AFP: variants seen among roughly 807,000 people sequenced by gnomAD.
AFP encodes the protein alpha-fetoprotein.
A neutral mutation model predicts 78.9 loss-of-function variants in AFP; 64 were observed. The observed-to-expected ratio is 0.81, with a 90% CI of 0.66 to 1.00. The LOEUF is 1.00. Among genes scored for constraint, AFP ranks in the 50% least tolerant of loss-of-function variants. The pLI, the probability that AFP is intolerant of heterozygous loss-of-function variation, is 0.00. For synonymous variants in AFP, 254 were observed against 243.8 expected, an observed-to-expected ratio of 1.04 and a Z score of -0.39; for missense variants, 689 against 703.8, an observed-to-expected ratio of 0.98 and a Z score of 0.24.
At chr4:73,447,792 T>C in intron 8 of AFP, 116 bp downstream of exon 8, 1 of 868,338 alleles carries the variant, frequency 1.2e-6, no homozygotes, top group Non-Finnish European at 1.8e-6. Flanking sequence ...TATGTGAGGA[T>C]ATTTGGCTAG....
intron 7 of AFP, among the ~76,000 whole-genome samples, chr4:73,446,529 C>G (rs1719831518): frequency 6.6e-6 from 1 of 152,000 alleles, no homozygotes; most frequent in Non-Finnish European, 1.5e-5. Context: ...AGGTGCATTG[C>G]CATTTTATTA....
At chr4:73,442,832 TGTAA>T (rs1719709851) in intron 5 of AFP, among the ~76,000 whole-genome samples, 1 of 152,040 alleles carries the variant, frequency 6.6e-6, no homozygotes, top group Non-Finnish European at 1.5e-5. Context: ...AAATTTGAGG[TGTAA>T]GTATTTTTGT....
At chr4:73,440,874 T>A in intron 4 of AFP, 61 bp downstream of exon 4, 1 of 1,491,170 alleles carries the variant, frequency 6.7e-7, no homozygotes, top group Non-Finnish European at 9.2e-7. Context: ...CAAGCCTAAT[T>A]TAGTATTTTT....
In AFP at chr4:73,449,471, A is replaced by G; in HGVS notation, c.1191+4A>G. On this transcript the variant is annotated splice_donor_region_variant and intron_variant, in intron 9 of 14. Transcript: ENST00000395792. ...TCTTGAATGCCAAGATAAAGGAGTAAGTTGCTCTAGAATTTTAGGGGAGTA... is the reference window on the plus strand; with the variant it reads ...TCTTGAATGCCAAGATAAAGGAGTAGGTTGCTCTAGAATTTTAGGGGAGTA... The G allele has an allele frequency of 1.9e-6, 3 of 1,613,440 alleles. No individual in the cohort carries two copies. The highest frequency in any genetic ancestry group is 2.2e-5 in the East Asian group (1 of 44,772).
At position 73,436,300 on chromosome 4, in the gene AFP, T is replaced by C. The variant is rs776953401; in HGVS notation, c.38T>C (p.Leu13Pro). ...WVESIFLIFL[L>P]NFTESRTLHR... Reference sequence around the variant, plus strand: ...GAATCAATTTTTTTAATTTTCCTACTAAATTTTACTGAATCCAGAACACTG... The same window carrying C: ...GAATCAATTTTTTTAATTTTCCTACCAAATTTTACTGAATCCAGAACACTG... The change falls in exon 1 of 15, where the codon CTA becomes CCA. Residue 13 changes from leucine to proline, a missense_variant. By Grantham distance (98) the Leu-to-Pro change is moderately conservative. Coordinates refer to ENST00000395792, the MANE Select transcript of AFP (RefSeq NM_001134.3). 58 of 1,604,632 alleles carry C rather than the reference T, an allele frequency of 3.6e-5. No homozygotes were observed. The Admixed American group carries it at 9.1e-4, about 25-fold the overall frequency.
intron 12 of AFP, 133 bp from the exon 13 acceptor site, chr4:73,453,630 GGT>G (rs1720074155): frequency 3.2e-6 from 3 of 949,718 alleles, no homozygotes; most frequent in East Asian, 5.3e-5. Flanking sequence ...TACTAGACAA[GGT>G]GTGTGTGGTC....
chr4:73,452,279 C>A, intron 11 of AFP, 122 bp from the exon 12 acceptor site: 1 of 802,150 alleles, frequency 1.2e-6, no homozygotes, highest in East Asian at 2.6e-5. Context: ...GCAAATTTTC[C>A]TGTAATATTA....
chr4:73,440,779 G>A lies in AFP; in HGVS notation c.448G>A (p.Ala150Thr), dbSNP rs1022124099. The A allele has an allele frequency of 1.9e-6, 3 of 1,614,000 alleles. No individual in the cohort carries two copies. Among genetic ancestry groups the A allele is most frequent in the African/African-American group, 1.3e-5 (1 of 74,928 alleles). ...QVPEPVTSCE[A>T]YEEDRETFMN... is the part of the protein sequence containing the mutation. The stretch of plus-strand genomic sequence containing the variant: ...TCCAGAACCTGTCACAAGCTGTGAA[G>A]CATATGAAGAAGACAGGGAGACATT... The change falls in exon 4 of 15, where the codon GCA becomes ACA. Residue 150 changes from alanine (A) to threonine (T), a missense_variant. Transcript: ENST00000395792.
At chr4:73,450,009 G>A (rs1433259648) in intron 9 of AFP, 27 bp from the exon 10 acceptor site, 1 of 1,522,570 alleles carries the variant, frequency 6.6e-7, no homozygotes, top group Admixed American at 1.7e-5. Context: ...AAAGAAAAAT[G>A]TATATGTAAT....
In AFP at chr4:73,439,952, T is replaced by C. The variant is rs200332353; in HGVS notation, c.271-650T>C. ...GTGTGTGTGTGTATATGTATATATA[T>C]GTATGTATATACCATAATATATACA... On this transcript the variant is annotated intron_variant, in intron 3 of 14. Transcript: ENST00000395792. 4.0e-3 allele frequency among the ~76,000 whole-genome samples: 608 copies of C among 152,046 alleles called. 36 individuals are homozygous for C. The East Asian group carries it at 0.11, about 27-fold the overall frequency.
Position 73,450,069 on chromosome 4 carries a change from C to G in AFP, c.1225C>G (p.Gln409Glu), listed in dbSNP as rs142607267. Residue 409 changes from glutamine to glutamate, a missense_variant, in exon 10 of 15, where the codon CAA (glutamine) becomes GAA (glutamate). By Grantham distance (29) the Gln-to-Glu change is conservative (BLOSUM62 2). Transcript: ENST00000395792. ...EELQKYIQES[Q>E]ALAKRSCGLF... ...ATTACAGAAATACATCCAGGAGAGC[C>G]AAGCATTGGCAAAGCGAAGCTGCGG... 5.6e-6 allele frequency: 9 copies of G among 1,613,466 alleles called. No homozygotes were observed. The African/African-American group carries it at 1.1e-4, about 19-fold the overall frequency.
At chr4:73,437,086 A>G in intron 1 of AFP, 74 bp from the exon 2 acceptor site, 2 of 1,128,494 alleles carry the variant, frequency 1.8e-6, no homozygotes, top group Non-Finnish European at 2.7e-6. Flanking sequence ...AAACACAAAC[A>G]TTCATATGTA....
At chr4:73,448,484 T>G (rs1719896829) in intron 8 of AFP, among the ~76,000 whole-genome samples, 1 of 152,158 alleles carries the variant, frequency 6.6e-6, no homozygotes, top group Admixed American at 6.5e-5. Flanking sequence ...ATTACTCTAT[T>G]ATTGCATTAA....
chr4:73,441,464 A>T (rs974440098), intron 4 of AFP, among the ~76,000 whole-genome samples: 18 of 146,466 alleles, frequency 1.2e-4, no homozygotes, highest in African/African-American at 4.0e-4. Context: ...GCTACTCGGG[A>T]GGCTGAGGCA....
rs538983456 is a variant in AFP at position 73,445,872 on chromosome 4, G to A, written c.843+750G>A. ...CATTGGCTTATTTTGGCTAACCCTA[G>A]ACTTCCTAGATTTTACAAGAGAGGA... On this transcript the variant is annotated intron_variant, in intron 7 of 14. Coordinates refer to ENST00000395792, the MANE Select transcript of AFP (RefSeq NM_001134.3). 2.6e-5 allele frequency among the ~76,000 whole-genome samples: 4 copies of A among 152,208 alleles called. No individual in the cohort carries two copies. The South Asian group carries it at 8.3e-4, about 32-fold the overall frequency.
At position 73,452,377 on chromosome 4, in the gene AFP, T is replaced by C. The variant is rs201402687; in HGVS notation, c.1429-24T>C. The C allele has an allele frequency of 2.0e-3, 3,192 of 1,606,964 alleles. 9 individuals are homozygous for C. The highest frequency in any genetic ancestry group is 2.5e-3 in the Non-Finnish European group (2,985 of 1,173,560). On this transcript the variant is annotated intron_variant, in intron 11 of 14. Coordinates refer to ENST00000395792, the MANE Select transcript of AFP (RefSeq NM_001134.3). ...GTGACTAATGCCCAATCTCCTTACTTTTTTTTCTCATTCTCCTAACCAGGC... is the reference window on the plus strand; with the variant it reads ...GTGACTAATGCCCAATCTCCTTACTCTTTTTTCTCATTCTCCTAACCAGGC...
intron 8 of AFP, among the ~76,000 whole-genome samples, chr4:73,448,164 A>T (rs547355459): frequency 6.6e-6 from 1 of 152,292 alleles, no homozygotes; most frequent in Non-Finnish European, 1.5e-5. Flanking sequence ...TATGTATTAA[A>T]TACATGTTTT....
chr4:73,446,333 A>G (rs1719825840), intron 7 of AFP, among the ~76,000 whole-genome samples: 1 of 152,118 alleles, frequency 6.6e-6, no homozygotes, highest in Non-Finnish European at 1.5e-5. Flanking sequence ...TAAAAAGTTA[A>G]TTTTTTCAAT....
Position 73,453,464 on chromosome 4 carries a change from C to T in AFP, c.1653-301C>T, listed in dbSNP as rs75826683. ...GTAGATAAGACACAGTTAAGAAGAG[C>T]GGACAGGAAAGGATATTCCTGGGGG... is the stretch of plus-strand genomic sequence containing the variant. On this transcript the variant is annotated intron_variant, in intron 12 of 14. Transcript: ENST00000395792. 1.7e-3 allele frequency: 570 copies of T among 343,760 alleles called. 3 individuals carry two copies. Among genetic ancestry groups the T allele is most frequent in the African/African-American group, 0.011 (537 of 47,170 alleles). 21.3% of individuals were successfully genotyped at this position (343,760 alleles called of 1,614,324 possible).
Sources: allele counts gnomAD v4.1 joint callset (sites outside exome capture counted in the v4.1 genomes callset), GRCh38; gene constraint gnomAD v4.1.1; transcripts MANE v1.5; gene names NCBI Gene and HGNC (gene_info 2026-07-23, HGNC 2026-07-21).